Variants in DLGAP1 observed in about 807,000 individuals in gnomAD.
The protein encoded by DLGAP1 is DLG associated protein 1, also known as disks large-associated protein 1.
DLGAP1 carries 11 observed loss-of-function variants against 90.8 expected under a neutral mutation model. The observed-to-expected ratio is 0.12, with a 90% CI of 0.08 to 0.20. The LOEUF (loss-of-function observed/expected upper bound fraction) is 0.20, where lower values mean the gene tolerates loss of function less well. Among genes scored for constraint, DLGAP1 ranks in the 10% least tolerant of loss-of-function variants. The pLI is 1.00. For synonymous variants in DLGAP1, 558 were observed against 540.7 expected, an observed-to-expected ratio of 1.03 and a Z score of -0.44; for missense variants, 1,050 against 1,333.8, an observed-to-expected ratio of 0.79 and a Z score of 3.31.
intron 7 of DLGAP1, among the ~76,000 whole-genome samples, chr18:3,677,100 C>T (rs2060332535): frequency 6.6e-6 from 1 of 152,156 alleles, no homozygotes; most frequent in South Asian, 2.1e-4. Flanking sequence ...CTATCCCATC[C>T]TCTGAGATTT....
intron 3 of DLGAP1, among the ~76,000 whole-genome samples, chr18:3,906,479 A>G (rs955810029): frequency 6.6e-6 from 1 of 152,222 alleles, no homozygotes; most frequent in African/African-American, 2.4e-5. Context: ...TGCCTGAAGT[A>G]CAGGAACTCT....
At chr18:3,730,372 C>T (rs1296625060) in intron 6 of DLGAP1, among the ~76,000 whole-genome samples, 1 of 152,030 alleles carries the variant, frequency 6.6e-6, no homozygotes, top group Admixed American at 6.6e-5. Flanking sequence ...AATGGGGGCC[C>T]TCTTTTTTTG....
intron 1 of DLGAP1, among the ~76,000 whole-genome samples, chr18:4,169,952 A>G (rs1440229844): frequency 6.6e-6 from 1 of 152,218 alleles, no homozygotes; most frequent in African/African-American, 2.4e-5. Flanking sequence ...ATGTGAAAAT[A>G]ATCCACTCAC....
At chr18:3,998,611 T>C (rs1385513862) in intron 3 of DLGAP1, among the ~76,000 whole-genome samples, 4 of 152,170 alleles carry the variant, frequency 2.6e-5, no homozygotes, top group East Asian at 1.9e-4. Context: ...CTAGAAAACA[T>C]GTATTTTAAT....
intron 5 of DLGAP1, among the ~76,000 whole-genome samples, chr18:3,794,404 A>T (rs3786440): frequency 0.53 from 80,952 of 152,042 alleles, 21,769 homozygotes; most frequent in Admixed American, 0.65. Flanking sequence ...GGATTCATTT[A>T]TTTCTGACTT....
At chr18:3,853,191 G>T (rs947271508) in intron 4 of DLGAP1, among the ~76,000 whole-genome samples, 2 of 152,020 alleles carry the variant, frequency 1.3e-5, no homozygotes, top group Non-Finnish European at 2.9e-5. Context: ...TATATTCAAG[G>T]TTTCTGTTTT....
chr18:4,003,684 C>T (rs2074244372), intron 3 of DLGAP1, among the ~76,000 whole-genome samples: 1 of 151,924 alleles, frequency 6.6e-6, no homozygotes, highest in Admixed American at 6.6e-5. Context: ...GGAGAGAATA[C>T]AGGAAGGCAG....
At chr18:4,444,603 T>C (rs964629930) in intron 1 of DLGAP1, among the ~76,000 whole-genome samples, 1 of 152,142 alleles carries the variant, frequency 6.6e-6, no homozygotes, top group African/African-American at 2.4e-5. Flanking sequence ...TGTCATCAAA[T>C]GAATGATAAA....
Position 3,499,053 on chromosome 18 carries a change from A to G in DLGAP1, c.*132T>C, listed in dbSNP as rs2049790975. 1.2e-6 allele frequency: 1 copy of G among 806,862 alleles called. No homozygotes were observed. 50.0% of individuals were successfully genotyped at this position (806,862 alleles called of 1,614,324 possible). Reference sequence around the variant, plus strand: ...GGGGGGCGGCTCCTGCGAGGTGGACAACTACACCGCGACAGTGGAAGTCAC... The same window carrying G: ...GGGGGGCGGCTCCTGCGAGGTGGACGACTACACCGCGACAGTGGAAGTCAC... On this transcript the variant is annotated 3_prime_UTR_variant, in exon 13 of 13. Transcript: ENST00000315677. This position sits in a 1 kb window ranked among gnomAD's most constrained non-coding sequence, Gnocchi z 6.4.
chr18:3,965,334 G>A (rs1215165058), intron 3 of DLGAP1, among the ~76,000 whole-genome samples: 4 of 152,184 alleles, frequency 2.6e-5, no homozygotes, highest in Non-Finnish European at 4.4e-5. Context: ...GCCAGACAAG[G>A]TTGACTTAAA....
At chr18:3,882,526 C>A (rs1285707542) in intron 3 of DLGAP1, among the ~76,000 whole-genome samples, 317 of 113,350 alleles carry the variant, frequency 2.8e-3, no homozygotes, top group Middle Eastern at 4.6e-3. Flanking sequence ...GACCCTGTCT[C>A]AAAAAAAAAA....
intron 1 of DLGAP1, among the ~76,000 whole-genome samples, chr18:4,426,853 G>C (rs144871150): frequency 2.4e-4 from 36 of 152,208 alleles, no homozygotes; most frequent in African/African-American, 6.3e-4. Context: ...AGAATACCAA[G>C]TAAAAATGGT....
At chr18:3,636,024 G>C (rs1165924759) in intron 7 of DLGAP1, among the ~76,000 whole-genome samples, 2 of 151,526 alleles carry the variant, frequency 1.3e-5, no homozygotes, top group Non-Finnish European at 2.9e-5. Flanking sequence ...AGGGGATTTT[G>C]ACAGTTGGGC....
At chr18:3,581,327 G>A (rs2055496562) in intron 8 of DLGAP1, among the ~76,000 whole-genome samples, 1 of 152,084 alleles carries the variant, frequency 6.6e-6, no homozygotes, top group Admixed American at 6.6e-5. Context: ...AAATAGTCCT[G>A]AGAACTAATT....
At chr18:4,223,330 T>G (rs2078117378) in intron 1 of DLGAP1, among the ~76,000 whole-genome samples, 1 of 152,202 alleles carries the variant, frequency 6.6e-6, no homozygotes, top group African/African-American at 2.4e-5. Context: ...CCTAGTTCAC[T>G]GTTTCTTATA....
intron 1 of DLGAP1, among the ~76,000 whole-genome samples, chr18:4,382,691 A>C (rs900975940): frequency 1.1e-4 from 16 of 152,154 alleles, no homozygotes; most frequent in African/African-American, 3.9e-4. Context: ...AAAGATAGGA[A>C]TGCTAATTCA....
rs1394158589 is a variant in DLGAP1 at position 3,497,566 on chromosome 18, T to C, written c.*1619A>G. ...TTAAATTAGCACCTGGCTATGAGAG[T>C]GTATTATTTTAAAAAGCTTCTCTGG... On this transcript the variant is annotated 3_prime_UTR_variant, in exon 13 of 13. Transcript: ENST00000315677. 2.0e-5 allele frequency: 3 copies of C among 152,102 alleles called. No homozygotes were observed. The highest frequency in any genetic ancestry group is 7.2e-5 in the African/African-American group (3 of 41,416). 9.4% of individuals were successfully genotyped at this position (152,102 alleles called of 1,614,324 possible).
At chr18:4,423,219 T>C (rs11081112) in intron 1 of DLGAP1, among the ~76,000 whole-genome samples, 41,808 of 152,038 alleles carry the variant, frequency 0.27, 6,538 homozygotes, top group East Asian at 0.37. Flanking sequence ...ACCTGGAAAA[T>C]GGATTAATCA....
chr18:3,813,989 C>CA, intron 5 of DLGAP1, 70 bp downstream of exon 5: 1 of 1,489,126 alleles, frequency 6.7e-7, no homozygotes, highest in Non-Finnish European at 9.3e-7. Context: ...CTCTAGGAGA[C>CA]ACACCATCTG....
Sources: gnomAD v4.1 joint callset for allele counts (sites outside exome capture counted in the v4.1 genomes callset) on GRCh38, gnomAD v4.1.1 for gene constraint, Gnocchi (gnomAD v3.1) non-coding constraint, MANE v1.5 for transcripts, NCBI Gene and HGNC (gene_info 2026-07-23, HGNC 2026-07-21) for gene names.